The following KCNC2 variants were observed in gnomAD, a reference collection of about 807,000 sequenced individuals.
The protein encoded by KCNC2 is potassium voltage-gated channel subfamily C member 2.
KCNC2 carries 21 observed loss-of-function variants against 44.5 expected under a neutral mutation model. The observed-to-expected ratio is 0.47, with a 90% CI of 0.33 to 0.68. KCNC2 has a LOEUF of 0.68. KCNC2 is among the 30% of genes least tolerant of loss of function. The pLI, the probability that KCNC2 is intolerant of heterozygous loss-of-function variation, is 0.01. For missense variants in KCNC2, 589 were observed against 826.2 expected (o/e 0.71, Z 3.52); for synonymous variants, 391 against 339.1 (o/e 1.15, Z -1.68).
chr12:75,076,433 C>T (rs1883985888), intron 2 of KCNC2, among the ~76,000 whole-genome samples: 1 of 152,050 alleles, frequency 6.6e-6, no homozygotes, highest in African/African-American at 2.4e-5. Context: ...CTACCACGCC[C>T]GGCTAATTTT....
Position 75,207,379 on chromosome 12 carries a change from T to C in KCNC2, c.605A>G (p.Asp202Gly). ...CCTCCTCCAGCGGCCAGATTTGCCG[T>C]CGGGGCCCCCGAGCCCCGCCGCGTC... is the stretch of plus-strand genomic sequence containing the variant. ...IEDAAGLGGPDGKSGRWRRLQ... is the reference protein window; with the variant it reads ...IEDAAGLGGPGGKSGRWRRLQ... The change falls in exon 2 of 5, where the codon GAC becomes GGC. Residue 202 changes from aspartate (D) to glycine (G), a missense_variant. Coordinates refer to ENST00000549446, the MANE Select transcript of KCNC2 (RefSeq NM_139137.4). The surrounding 1 kb of genome is among the most constrained non-coding windows in gnomAD (Gnocchi z 4.1). 1 of 1,579,280 alleles carries C rather than the reference T, an allele frequency of 6.3e-7. No individual in the cohort carries two copies. The highest frequency in any genetic ancestry group is 8.6e-7 in the Non-Finnish European group (1 of 1,164,208).
At chr12:75,183,867 T>A (rs887410126) in intron 2 of KCNC2, among the ~76,000 whole-genome samples, 2 of 152,206 alleles carry the variant, frequency 1.3e-5, no homozygotes, top group African/African-American at 4.8e-5. Context: ...ACAATCTCCA[T>A]CTGCCTTTGC....
chr12:75,087,427 T>C (rs1885118829), intron 2 of KCNC2, among the ~76,000 whole-genome samples: 1 of 152,136 alleles, frequency 6.6e-6, no homozygotes, highest in African/African-American at 2.4e-5. Context: ...CTGTTGATGC[T>C]CTTAGCAATC....
At chr12:75,200,593 G>C (rs2031164825) in intron 2 of KCNC2, among the ~76,000 whole-genome samples, 1 of 151,384 alleles carries the variant, frequency 6.6e-6, no homozygotes, top group Non-Finnish European at 1.5e-5. Flanking sequence ...ATATATATTT[G>C]AATATATATT....
At chr12:75,141,326 A>C (rs1199526628) in intron 2 of KCNC2, among the ~76,000 whole-genome samples, 1 of 152,254 alleles carries the variant, frequency 6.6e-6, no homozygotes, top group Non-Finnish European at 1.5e-5. Context: ...ATGCAAAGTT[A>C]ACCTCTGCAA....
Position 75,042,628 on chromosome 12 carries a change from A to G in KCNC2, c.*477T>C. Reference sequence around the variant, plus strand: ...ATCCACAGTCCCCGAACTCTGCAACATTGCTTTCAGGTGATAGAGACAAGA... The same window carrying G: ...ATCCACAGTCCCCGAACTCTGCAACGTTGCTTTCAGGTGATAGAGACAAGA... On this transcript the variant is annotated 3_prime_UTR_variant, in exon 5 of 5. Coordinates refer to ENST00000549446, the MANE Select transcript of KCNC2 (RefSeq NM_139137.4). 2 of 1,257,268 alleles carry G rather than the reference A, an allele frequency of 1.6e-6. No individual in the cohort carries two copies. Among genetic ancestry groups the G allele is most frequent in the Non-Finnish European group, 2.0e-6 (2 of 999,124 alleles). 77.9% of individuals were successfully genotyped at this position (1,257,268 alleles called of 1,614,324 possible).
chr12:75,195,290 C>T (rs1263097817), intron 2 of KCNC2, among the ~76,000 whole-genome samples: 1 of 152,086 alleles, frequency 6.6e-6, no homozygotes, highest in Non-Finnish European at 1.5e-5. Context: ...TACTCAGCAT[C>T]TAATTTCATA....
chr12:75,106,912 T>C (rs1194257377), intron 2 of KCNC2, among the ~76,000 whole-genome samples: 1 of 152,250 alleles, frequency 6.6e-6, no homozygotes, highest in African/African-American at 2.4e-5. Flanking sequence ...AGCATTGATA[T>C]ATACTAATGA....
chr12:75,106,681 C>CACG (rs778763229), intron 2 of KCNC2, among the ~76,000 whole-genome samples: 2 of 152,224 alleles, frequency 1.3e-5, no homozygotes, highest in East Asian at 3.9e-4. Flanking sequence ...AAATAAAAAA[C>CACG]ACCACCACCA....
Position 75,040,971 on chromosome 12 carries a change from A to G in KCNC2, c.*2134T>C. On this transcript the variant is annotated 3_prime_UTR_variant, in exon 5 of 5. Transcript: ENST00000549446. ...TGGTATTTACAGTTGTTTCATGGAC[A>G]CTGGCCAGTCTACAAGCAGAGCACT... The G allele has an allele frequency of 3.0e-6, 2 of 673,276 alleles. No homozygotes were observed. The highest frequency in any genetic ancestry group is 3.4e-5 in the South Asian group (2 of 58,732). The allele number at this position is 673,276 out of a possible 1,614,324, so 41.7% of individuals were successfully genotyped here. A position where few individuals can be genotyped will look rare whatever the true frequency, so the allele number is the denominator to read the frequency against.
rs752875578 is a variant in KCNC2 at position 75,128,788 on chromosome 12, A to ACTG, written c.688-77472_688-77471insCAG. 2.0e-5 allele frequency among the ~76,000 whole-genome samples: 3 copies of ACTG among 152,192 alleles called. No homozygotes were observed. In the East Asian group the frequency reaches 5.8e-4, roughly 29 times the overall value. On this transcript the variant is annotated intron_variant, in intron 2 of 4. Transcript: ENST00000549446. ...AAATGCATACAATCATATAATCACC[A>ACTG]GTGGTGAGCCCCATTGTCTCTTGAT...
intron 4 of KCNC2, chr12:75,043,819 G>A: frequency 2.1e-6 from 3 of 1,400,990 alleles, no homozygotes; most frequent in Non-Finnish European, 9.5e-7. Context: ...AATTCCTTGG[G>A]TAAGAAAAGT....
chr12:75,088,809 G>T (rs1885236651), intron 2 of KCNC2, among the ~76,000 whole-genome samples: 1 of 151,888 alleles, frequency 6.6e-6, no homozygotes, highest in African/African-American at 2.4e-5. Context: ...GATGAGAAAT[G>T]CTGTGGATTT....
intron 2 of KCNC2, among the ~76,000 whole-genome samples, chr12:75,200,924 T>C (rs1429749657): frequency 6.6e-6 from 1 of 151,722 alleles, no homozygotes; most frequent in Non-Finnish European, 1.5e-5. Flanking sequence ...ACTGTCCCTT[T>C]TATATAAAAT....
chr12:75,154,613 A>C (rs545499728), intron 2 of KCNC2, among the ~76,000 whole-genome samples: 1 of 152,082 alleles, frequency 6.6e-6, no homozygotes, highest in Admixed American at 6.6e-5. Context: ...CTGTGCTGCT[A>C]CAGCATACAT....
At chr12:75,109,060 G>T (rs1887014427) in intron 2 of KCNC2, among the ~76,000 whole-genome samples, 1 of 152,116 alleles carries the variant, frequency 6.6e-6, no homozygotes, top group Non-Finnish European at 1.5e-5. Context: ...ATGCAACAGT[G>T]GGCAGGCTGC....
intron 2 of KCNC2, among the ~76,000 whole-genome samples, chr12:75,180,180 ATAAT>A (rs1202287470): frequency 6.6e-6 from 1 of 151,930 alleles, no homozygotes; most frequent in African/African-American, 2.4e-5. Flanking sequence ...CTTTTAAACA[ATAAT>A]TATGTCATAT....
rs960781196 is a variant in KCNC2 at position 75,041,026 on chromosome 12, C to T, written c.*2079G>A. 16 of 1,196,734 alleles carry T rather than the reference C, an allele frequency of 1.3e-5. No homozygotes were observed. The highest frequency in any genetic ancestry group is 3.6e-5 in the Admixed American group (2 of 55,934). The allele number at this position is 1,196,734 out of a possible 1,614,324, so 74.1% of individuals were successfully genotyped here. A position where few individuals can be genotyped will look rare whatever the true frequency, so the allele number is the denominator to read the frequency against. ...TGGGGAGCACCAGATGAGTTCCAGC[C>T]GCAGTTCTTTTATAAGCTTTAAGTG... On this transcript the variant is annotated 3_prime_UTR_variant, in exon 5 of 5. Transcript: ENST00000549446.
At chr12:75,083,332 A>G (rs964513775) in intron 2 of KCNC2, among the ~76,000 whole-genome samples, 10 of 151,862 alleles carry the variant, frequency 6.6e-5, no homozygotes, top group Non-Finnish European at 2.9e-5. Flanking sequence ...AGGAATTGAT[A>G]ACATATTTAA....
Sources: allele counts gnomAD v4.1 joint callset (sites outside exome capture counted in the v4.1 genomes callset), GRCh38; gene constraint gnomAD v4.1.1; non-coding constraint Gnocchi (gnomAD v3.1); transcripts MANE v1.5; gene names NCBI Gene and HGNC (gene_info 2026-07-23, HGNC 2026-07-21).